KANK1: variants seen among roughly 807,000 people sequenced by gnomAD.
KANK1 encodes the protein KN motif and ankyrin repeat domain-containing protein 1.
Under a neutral mutation model 106.2 loss-of-function variants are expected in KANK1, and 109 were observed. The observed-to-expected ratio is 1.03, with a 90% CI of 0.88 to 1.20. The LOEUF (loss-of-function observed/expected upper bound fraction) is 1.20, where lower values mean the gene tolerates loss of function less well. Ranked by LOEUF, KANK1 falls within the 50% of genes most tolerant of loss-of-function variation. The pLI, the probability that KANK1 is intolerant of heterozygous loss-of-function variation, is 0.00. For missense variants in KANK1, 2,399 were observed against 1,710.7 expected (o/e 1.40, Z -7.10); for synonymous variants, 873 against 652.2 (o/e 1.34, Z -5.16).
chr9:621,814 A>G (rs1200357763), intron 1 of KANK1, among the ~76,000 whole-genome samples: 5 of 152,046 alleles, frequency 3.3e-5, no homozygotes, highest in Non-Finnish European at 5.9e-5. Context: ...CCATCATGGC[A>G]TCTTACTCTG....
chr9:665,938 G>T (rs572102804), intron 1 of KANK1, among the ~76,000 whole-genome samples: 4 of 152,212 alleles, frequency 2.6e-5, no homozygotes, highest in South Asian at 4.1e-4. Flanking sequence ...CCAACACTTC[G>T]AGAGGCCAAA....
In KANK1 at chr9:551,042, A is replaced by G. The variant is rs551874283; in HGVS notation, c.-84+46288A>G. Among the ~76,000 whole-genome samples the G allele has an allele frequency of 2.0e-5, 3 of 152,060 alleles. No homozygotes were observed. The South Asian group carries it at 6.2e-4, about 32-fold the overall frequency. On this transcript the variant is annotated intron_variant, in intron 1 of 11. Coordinates refer to ENST00000382297, the MANE Select transcript of KANK1 (RefSeq NM_015158.5). ...AGAAAAAGAGATGGGTCAGGGAGGA[A>G]AGCCAAGATGGAAAATGGATGGGAA...
chr9:600,816 T>C (rs1049679727), intron 1 of KANK1, among the ~76,000 whole-genome samples: 2 of 151,886 alleles, frequency 1.3e-5, no homozygotes, highest in East Asian at 1.9e-4. Flanking sequence ...TTTTGCACTT[T>C]CCAAGAAAGA....
chr9:544,254 C>G (rs1297252908), intron 1 of KANK1, among the ~76,000 whole-genome samples: 1 of 152,012 alleles, frequency 6.6e-6, no homozygotes, highest in Non-Finnish European at 1.5e-5. Flanking sequence ...CTCCTGGAAT[C>G]AAGCAAGCCA....
At chr9:739,071 C>A (rs1331692389) in intron 8 of KANK1, among the ~76,000 whole-genome samples, 2 of 152,164 alleles carry the variant, frequency 1.3e-5, no homozygotes, top group African/African-American at 2.4e-5. Flanking sequence ...TTATTCTTGT[C>A]TCTCAACCAT....
At chr9:484,412 C>G (rs1334327241) in intron 3 of KANK1, 1 of 152,206 alleles carries the variant, frequency 6.6e-6, no homozygotes, top group South Asian at 2.1e-4. Flanking sequence ...AGCACAGTGC[C>G]TCTGCTCTGG....
chr9:693,779 C>T, intron 2 of KANK1: 1 of 985,282 alleles, frequency 1.0e-6, no homozygotes, highest in Non-Finnish European at 1.2e-6. Context: ...TATTTTGTTT[C>T]TGGGTGGGTA....
intron 1 of KANK1, among the ~76,000 whole-genome samples, chr9:582,023 G>A (rs910900940): frequency 6.6e-6 from 1 of 152,164 alleles, no homozygotes; most frequent in African/African-American, 2.4e-5. Context: ...CGACCCTTGT[G>A]AATGAGGAAA....
intron 1 of KANK1, among the ~76,000 whole-genome samples, chr9:573,555 C>G (rs1261057010): frequency 3.3e-5 from 5 of 152,286 alleles, no homozygotes; most frequent in African/African-American, 1.2e-4. Context: ...CAGGCATGAG[C>G]CACCGCGCCC....
intron 1 of KANK1, among the ~76,000 whole-genome samples, chr9:675,197 C>A (rs949059309): frequency 6.6e-6 from 1 of 151,982 alleles, no homozygotes; most frequent in Non-Finnish European, 1.5e-5. Context: ...TTTTGTTTTT[C>A]TTTTAACCAA....
intron 4 of KANK1, 117 bp from the exon 5 acceptor site, chr9:731,039 TCA>T (rs1832098840): frequency 2.1e-6 from 1 of 474,540 alleles, no homozygotes; most frequent in South Asian, 3.5e-5. Flanking sequence ...TGGAAACTTC[TCA>T]CATATATATG....
At chr9:623,082 C>G (rs190453816) in intron 1 of KANK1, among the ~76,000 whole-genome samples, 20 of 152,220 alleles carry the variant, frequency 1.3e-4, no homozygotes, top group Non-Finnish European at 2.2e-4. Context: ...CAAAAAGCTT[C>G]TGCACGGCAA....
chr9:738,663 A>T (rs980485642), intron 8 of KANK1, among the ~76,000 whole-genome samples, 159 bp downstream of exon 8: 2 of 152,232 alleles, frequency 1.3e-5, no homozygotes, highest in Non-Finnish European at 2.9e-5. Context: ...TGAGTCATTC[A>T]TAAGAGGCTT....
chr9:712,031 G>A lies in KANK1; in HGVS notation c.1265G>A (p.Cys422Tyr), dbSNP rs372569087. The A allele has an allele frequency of 4.3e-6, 7 of 1,614,186 alleles. No individual in the cohort carries two copies. The Admixed American group carries it at 5.0e-5, about 12-fold the overall frequency. ...GTGTACCACAGAGGCTCCAGGTCCT[G>A]TAAGGATGCAGCTGTAGGGACACTT... ...IVVYHRGSRSCKDAAVGTLVE... is the reference protein window; with the variant it reads ...IVVYHRGSRSYKDAAVGTLVE... Residue 422 changes from cysteine to tyrosine, a missense_variant, in exon 3 of 12, where the codon TGT becomes TAT. Transcript: ENST00000382297.
chr9:603,247 CAG>C (rs1399390886), intron 1 of KANK1, among the ~76,000 whole-genome samples: 1 of 151,842 alleles, frequency 6.6e-6, no homozygotes, highest in African/African-American at 2.4e-5. Context: ...TTAAATGTGT[CAG>C]AGTGTGGCAC....
At chr9:545,056 C>T (rs1486396094) in intron 1 of KANK1, among the ~76,000 whole-genome samples, 4 of 149,692 alleles carry the variant, frequency 2.7e-5, no homozygotes, top group Admixed American at 1.3e-4. Context: ...GGACAAATGG[C>T]GGCTGAGGAG....
Position 515,852 on chromosome 9 carries a change from G to A in KANK1, c.-84+11098G>A, listed in dbSNP as rs546567984. 2.6e-5 allele frequency among the ~76,000 whole-genome samples: 4 copies of A among 151,890 alleles called. No individual in the cohort carries two copies. In the South Asian group the frequency reaches 6.2e-4, roughly 24 times the overall value. ...CTTGTCACTTCTTAGCAAATGAAAT[G>A]CATAGTTTCAAGGAAACCTCACGTG... On this transcript the variant is annotated intron_variant, in intron 1 of 11. Coordinates refer to ENST00000382297, the MANE Select transcript of KANK1 (RefSeq NM_015158.5).
At chr9:512,209 C>T (rs1166888732) in intron 1 of KANK1, among the ~76,000 whole-genome samples, 3 of 150,022 alleles carry the variant, frequency 2.0e-5, no homozygotes, top group Non-Finnish European at 2.9e-5. Context: ...ACTAAGGGCT[C>T]TCCAGAGAAA....
chr9:536,651 A>G (rs2133712307), intron 1 of KANK1, among the ~76,000 whole-genome samples: 1 of 152,294 alleles, frequency 6.6e-6, no homozygotes, highest in South Asian at 2.1e-4. Context: ...AGACTTTTTA[A>G]AAAGACTCAT....
Sources: allele counts gnomAD v4.1 joint callset (sites outside exome capture counted in the v4.1 genomes callset), GRCh38; gene constraint gnomAD v4.1.1; transcripts MANE v1.5; gene names NCBI Gene and HGNC (gene_info 2026-07-23, HGNC 2026-07-21).